SCN1A: variants seen among roughly 807,000 people sequenced by gnomAD.
SCN1A encodes sodium voltage-gated channel alpha subunit 1.
Under a neutral mutation model 193.7 loss-of-function variants are expected in SCN1A, and 13 were observed. The ratio of observed to expected loss-of-function variants is 0.07; its 90% CI spans 0.04 to 0.11. The LOEUF is 0.11. Ranked by LOEUF, SCN1A falls within the 10% of genes least tolerant of loss-of-function variation. The pLI, the probability that SCN1A is intolerant of heterozygous loss-of-function variation, is 1.00. For missense variants in SCN1A, 1,432 were observed against 2,451.1 expected, an observed-to-expected ratio of 0.58 and a Z score of 8.78; for synonymous variants, 781 against 843.6, an observed-to-expected ratio of 0.93 and a Z score of 1.29.
intron 9 of SCN1A, among the ~76,000 whole-genome samples, chr2:166,050,805 G>T (rs781402897): frequency 7.3e-5 from 11 of 150,192 alleles, no homozygotes; most frequent in African/African-American, 1.2e-4. Context: ...GTCTCCTGAA[G>T]CTTTATTAAC....
intron 1 of SCN1A, among the ~76,000 whole-genome samples, chr2:166,147,069 G>C (rs1692353540): frequency 8.5e-6 from 1 of 116,986 alleles, no homozygotes; most frequent in Admixed American, 9.5e-5. Context: ...CACAAACACA[G>C]ATTGCCAGGA....
In SCN1A at chr2:165,989,067, TGCGCGC is replaced by T. The variant is rs59414673; in HGVS notation, c.*2172_*2177del. On this transcript the variant is annotated 3_prime_UTR_variant, in exon 29 of 29. Transcript: ENST00000674923. ...GTGTGTGTGTGTGTGTGTGTGTGTG[TGCGCGC>T]GCGCTCCCCTTCTCCCCCAATTTGT... 1 of 21,906 alleles carries T rather than the reference TGCGCGC, an allele frequency of 4.6e-5. No homozygotes were observed. Among genetic ancestry groups the T allele is most frequent in the Non-Finnish European group, 1.8e-4 (1 of 5,520 alleles). 1.4% of individuals were successfully genotyped at this position (21,906 alleles called of 1,614,324 possible).
At chr2:166,142,183 C>A (rs982469891) in intron 1 of SCN1A, among the ~76,000 whole-genome samples, 1 of 152,132 alleles carries the variant, frequency 6.6e-6, no homozygotes, top group Non-Finnish European at 1.5e-5. Flanking sequence ...GGGCCTGGCA[C>A]ACCTGCTAAA....
chr2:166,113,582 G>A (rs1689533789), intron 2 of SCN1A, among the ~76,000 whole-genome samples: 1 of 130,610 alleles, frequency 7.7e-6, no homozygotes, highest in Non-Finnish European at 1.7e-5. Context: ...AATAACAGGT[G>A]TGCTATAATT....
rs1019723 is a variant in SCN1A, at chr2:166,039,251, A to G, written c.2589+172T>C. ...TATGTTCTTTGAAATAAAGGTTTTCATAAATAATTGAGAATTTTTTTCCAT... is the reference window on the plus strand; with the variant it reads ...TATGTTCTTTGAAATAAAGGTTTTCGTAAATAATTGAGAATTTTTTTCCAT... On this transcript the variant is annotated intron_variant, in intron 17 of 28. Transcript: ENST00000674923. Among the ~76,000 whole-genome samples the G allele has an allele frequency of 0.48, 73,176 of 152,070 alleles. 19,854 individuals are homozygous for G. Among genetic ancestry groups the G allele is most frequent in the African/African-American group, 0.72 (29,768 of 41,464 alleles).
Position 165,999,703 on chromosome 2 carries a change from A to G in SCN1A, c.4338+20T>C. 6.4e-7 allele frequency: 1 copy of G among 1,551,928 alleles called. No individual in the cohort carries two copies. On this transcript the variant is annotated intron_variant, in intron 25 of 28. Transcript: ENST00000674923. ...CCTGATCAATATTGTAAAAAGACTT[A>G]GAATACAAGGAATACTTACATTTCT...
At chr2:166,007,964 T>C (rs1386299553) in intron 23 of SCN1A, among the ~76,000 whole-genome samples, 1 of 151,264 alleles carries the variant, frequency 6.6e-6, no homozygotes, top group African/African-American at 2.4e-5. Context: ...ATAACGTTAT[T>C]TTGACTCTAC....
intron 2 of SCN1A, among the ~76,000 whole-genome samples, chr2:166,079,550 G>A (rs1017664911): frequency 2.0e-5 from 3 of 150,092 alleles, no homozygotes; most frequent in Non-Finnish European, 3.0e-5. Context: ...TAACATATGT[G>A]ATCATTACGA....
intron 2 of SCN1A, among the ~76,000 whole-genome samples, chr2:166,101,584 G>A (rs4667872): frequency 0.045 from 6,780 of 150,482 alleles, 414 homozygotes; most frequent in Admixed American, 0.18. Context: ...ACACACATAC[G>A]ACGTTCTGAT....
At chr2:166,066,327 G>T (rs920505419) in intron 4 of SCN1A, among the ~76,000 whole-genome samples, 4 of 152,128 alleles carry the variant, frequency 2.6e-5, no homozygotes, top group Non-Finnish European at 5.9e-5. Flanking sequence ...TGACTGGAAA[G>T]AACACTTTTG....
At position 166,111,343 on chromosome 2, in the gene SCN1A, C is replaced by T. The variant is rs1408888657; in HGVS notation, c.-142+15581G>A. ...GTATGCTAAATATACTCTGCCTGTG[C>T]TCTATAAGTAGAACAGCAAAGCCTG... On this transcript the variant is annotated intron_variant, in intron 2 of 28. Coordinates refer to ENST00000674923, the MANE Select transcript of SCN1A (RefSeq NM_001165963.4). 3.9e-5 allele frequency among the ~76,000 whole-genome samples: 6 copies of T among 151,980 alleles called. No homozygotes were observed. The East Asian group carries it at 1.2e-3, about 29-fold the overall frequency.
At chr2:165,995,646 C>T (rs539147637) in intron 27 of SCN1A, among the ~76,000 whole-genome samples, 111 of 151,836 alleles carry the variant, frequency 7.3e-4, no homozygotes, top group African/African-American at 2.6e-3. Flanking sequence ...TCTTACAGCC[C>T]CATCCCAAGG....
Position 166,037,872 on chromosome 2 carries a change from C to T in SCN1A, c.2850G>A (p.Gly950=). ...AGTCCCACATGGTCTCTATCCACTC[C>T]CCACACAGCACGCGGAACACAATCA... ...SFLIVFRVLC[G]EWIETMWDCM... The change falls in exon 18 of 29, where the codon GGG becomes GGA. Residue 950 remains glycine (G), a synonymous_variant. Transcript: ENST00000674923. 1 of 1,614,146 alleles carries T rather than the reference C, an allele frequency of 6.2e-7. No homozygotes were observed. Among genetic ancestry groups the T allele is most frequent in the Non-Finnish European group, 8.5e-7 (1 of 1,180,034 alleles).
At position 165,994,084 on chromosome 2, in the gene SCN1A, T is replaced by C. The variant is rs1689660657; in HGVS notation, c.4852+62A>G. The C allele has an allele frequency of 3.2e-6, 4 of 1,267,898 alleles. No individual in the cohort carries two copies. In the Admixed American group the frequency reaches 7.9e-5, roughly 25 times the overall value. The allele number at this position is 1,267,898 out of a possible 1,614,324, so 78.5% of individuals were successfully genotyped here. On this transcript the variant is annotated intron_variant, in intron 28 of 28. Transcript: ENST00000674923. ...ATTGCTGGGATGATCTTGAATCTAA[T>C]CTTGATTGTTTCAGCTTTCACTTTT...
intron 12 of SCN1A, among the ~76,000 whole-genome samples, chr2:166,045,977 T>C (rs963785879): frequency 6.6e-6 from 1 of 152,198 alleles, no homozygotes; most frequent in African/African-American, 2.4e-5. Context: ...CACATGGGCA[T>C]GGAATAAAAC....
chr2:166,035,118 G>A (rs1167150637), intron 19 of SCN1A, among the ~76,000 whole-genome samples: 1 of 152,178 alleles, frequency 6.6e-6, no homozygotes, highest in Non-Finnish European at 1.5e-5. Flanking sequence ...ATGTACATGA[G>A]CCAATGTGAT....
intron 16 of SCN1A, among the ~76,000 whole-genome samples, chr2:166,040,259 A>C (rs989435356): frequency 9.9e-5 from 15 of 151,970 alleles, no homozygotes; most frequent in Non-Finnish European, 2.2e-4. Flanking sequence ...ATTATACCAA[A>C]CTACCTTTTT....
chr2:166,123,961 C>A (rs1165325496), intron 2 of SCN1A, among the ~76,000 whole-genome samples: 1 of 152,126 alleles, frequency 6.6e-6, no homozygotes, highest in Non-Finnish European at 1.5e-5. Flanking sequence ...TTGATTCAAT[C>A]CATCATTGGC....
intron 2 of SCN1A, among the ~76,000 whole-genome samples, chr2:166,087,199 G>T (rs1686232390): frequency 1.3e-5 from 2 of 151,142 alleles, no homozygotes; most frequent in Admixed American, 1.3e-4. Flanking sequence ...TGGCACGGTG[G>T]CTCACACCTG....
Sources: gnomAD v4.1 joint callset for allele counts (sites outside exome capture counted in the v4.1 genomes callset) on GRCh38, gnomAD v4.1.1 for gene constraint, MANE v1.5 for transcripts, NCBI Gene and HGNC (gene_info 2026-07-23, HGNC 2026-07-21) for gene names.